The following CTNNA2 variants were observed in gnomAD, a reference collection of about 807,000 sequenced individuals.
The protein encoded by CTNNA2 is catenin alpha-2.
In CTNNA2, 42 loss-of-function variants were observed where a neutral mutation model predicts 101.0. That is an observed-to-expected ratio of 0.42 (90% CI 0.32 to 0.54). CTNNA2 has a LOEUF of 0.54. Among genes scored for constraint, CTNNA2 ranks in the 20% least tolerant of loss-of-function variants. The probability of loss-of-function intolerance (pLI) is 0.14; values close to 1 mark genes in which losing one functional copy is unlikely to be tolerated. For missense variants in CTNNA2, 871 were observed against 1,223.1 expected (o/e 0.71, Z 4.29); for synonymous variants, 450 against 456.4 (o/e 0.99, Z 0.18).
intron 2 of CTNNA2, among the ~76,000 whole-genome samples, chr2:79,711,498 C>T (rs779271571): frequency 3.9e-5 from 6 of 152,072 alleles, no homozygotes; most frequent in Non-Finnish European, 7.4e-5. Context: ...AAAAGACAAC[C>T]GAGTATATCG....
intron 2 of CTNNA2, among the ~76,000 whole-genome samples, chr2:79,694,945 A>G (rs1342929695): frequency 6.6e-6 from 1 of 151,750 alleles, no homozygotes; most frequent in African/African-American, 2.4e-5. Flanking sequence ...CTGTTGTTAC[A>G]GGAAAATTAC....
intron 13 of CTNNA2, among the ~76,000 whole-genome samples, chr2:80,577,549 G>C (rs1032353373): frequency 2.0e-4 from 31 of 152,104 alleles, no homozygotes; most frequent in African/African-American, 7.5e-4. Context: ...ACCTTAAAAG[G>C]ACCACCATGG....
Position 79,836,390 on chromosome 2 carries a change from C to T in CTNNA2, c.299-21623C>T, listed in dbSNP as rs1387369471. Reference sequence around the variant, plus strand: ...GCTGAATTATTTTTCAGTGCTCTAACAACCAAGGATAAGACGCAGAGTACA... The same window carrying T: ...GCTGAATTATTTTTCAGTGCTCTAATAACCAAGGATAAGACGCAGAGTACA... On this transcript the variant is annotated intron_variant, in intron 3 of 18. Coordinates refer to ENST00000402739, the MANE Select transcript of CTNNA2 (RefSeq NM_001282597.3). Among the ~76,000 whole-genome samples, 3 of 152,292 alleles carry T rather than the reference C, an allele frequency of 2.0e-5. No individual in the cohort carries two copies. In the East Asian group the frequency reaches 5.8e-4, roughly 29 times the overall value.
At chr2:80,253,000 C>A (rs1671879859) in intron 7 of CTNNA2, among the ~76,000 whole-genome samples, 1 of 152,126 alleles carries the variant, frequency 6.6e-6, no homozygotes, top group Non-Finnish European at 1.5e-5. Context: ...GCAGTAGTAG[C>A]AGATGTAGAT....
chr2:79,717,276 T>C (rs1428219123), intron 2 of CTNNA2, among the ~76,000 whole-genome samples: 1 of 152,214 alleles, frequency 6.6e-6, no homozygotes, highest in Non-Finnish European at 1.5e-5. Context: ...TGGAAATAAG[T>C]CAGCTTCCTG....
intron 2 of CTNNA2, among the ~76,000 whole-genome samples, chr2:79,258,048 A>G (rs1674871817): frequency 6.6e-6 from 1 of 152,164 alleles, no homozygotes; most frequent in African/African-American, 2.4e-5. Flanking sequence ...ATTCTGGATG[A>G]GGTGCCCACA....
chr2:79,895,917 A>G (rs537262915), intron 6 of CTNNA2, among the ~76,000 whole-genome samples: 3 of 152,122 alleles, frequency 2.0e-5, no homozygotes, highest in African/African-American at 7.2e-5. Context: ...GGCTTAATCA[A>G]ATCTTCAGAG....
At chr2:80,042,968 CT>C in intron 7 of CTNNA2, among the ~76,000 whole-genome samples, 1 of 151,854 alleles carries the variant, frequency 6.6e-6, no homozygotes. Flanking sequence ...TTCATGTTTT[CT>C]TTCTTTCCTT....
chr2:79,378,593 C>G (rs928373957), intron 4 of CTNNA2, among the ~76,000 whole-genome samples: 1 of 152,056 alleles, frequency 6.6e-6, no homozygotes, highest in African/African-American at 2.4e-5. Context: ...TGTTACATGT[C>G]ACTCTAAATA....
intron 7 of CTNNA2, among the ~76,000 whole-genome samples, chr2:80,209,287 C>T (rs371563081): frequency 2.0e-5 from 3 of 151,512 alleles, no homozygotes; most frequent in South Asian, 2.1e-4. Flanking sequence ...CTGCAACCTC[C>T]GCCTCCCAGG....
intron 4 of CTNNA2, among the ~76,000 whole-genome samples, chr2:79,436,025 G>A (rs913798298): frequency 6.6e-6 from 1 of 151,880 alleles, no homozygotes; most frequent in African/African-American, 2.4e-5. Flanking sequence ...AAACCACACG[G>A]GTTCCTGACC....
At chr2:79,350,242 C>A (rs1677357801) in intron 3 of CTNNA2, among the ~76,000 whole-genome samples, 1 of 152,030 alleles carries the variant, frequency 6.6e-6, no homozygotes, top group South Asian at 2.1e-4. Context: ...CAAATCGTGA[C>A]AATTTTATCC....
At chr2:80,084,686 T>G (rs1381204610) in intron 7 of CTNNA2, among the ~76,000 whole-genome samples, 1 of 152,126 alleles carries the variant, frequency 6.6e-6, no homozygotes, top group Admixed American at 6.5e-5. Flanking sequence ...ATACATTAAT[T>G]AACTACTTAG....
intron 2 of CTNNA2, among the ~76,000 whole-genome samples, chr2:79,293,450 C>T (rs1558609895): frequency 6.6e-6 from 1 of 152,104 alleles, no homozygotes; most frequent in Non-Finnish European, 1.5e-5. Context: ...TACAGTCCCT[C>T]TCCCCTAGAA....
At chr2:79,186,426 T>C (rs1673779660) in intron 1 of CTNNA2, among the ~76,000 whole-genome samples, 1 of 152,216 alleles carries the variant, frequency 6.6e-6, no homozygotes, top group Non-Finnish European at 1.5e-5. Flanking sequence ...TATACCAGAA[T>C]GTCTGCTGTA....
At chr2:79,888,263 A>G (rs776489785) in intron 6 of CTNNA2, among the ~76,000 whole-genome samples, 32 of 152,220 alleles carry the variant, frequency 2.1e-4, no homozygotes, top group Non-Finnish European at 2.9e-4. Flanking sequence ...CTTGGGGACC[A>G]GGTTAGGCAT....
intron 7 of CTNNA2, among the ~76,000 whole-genome samples, chr2:79,925,118 C>A (rs1172904078): frequency 2.6e-5 from 4 of 151,988 alleles, no homozygotes; most frequent in African/African-American, 9.7e-5. Context: ...ATATTTAGAA[C>A]CACAAGATCC....
At chr2:80,149,417 A>G (rs899679773) in intron 7 of CTNNA2, among the ~76,000 whole-genome samples, 1 of 152,190 alleles carries the variant, frequency 6.6e-6, no homozygotes, top group African/African-American at 2.4e-5. Context: ...ATAGATGGAC[A>G]TGTACATACA....
chr2:80,635,221 C>A (rs536611840), intron 18 of CTNNA2, among the ~76,000 whole-genome samples: 1 of 152,080 alleles, frequency 6.6e-6, no homozygotes, highest in South Asian at 2.1e-4. Context: ...GGATTTACAG[C>A]TCACAATGGA....
Sources: allele counts gnomAD v4.1 joint callset (sites outside exome capture counted in the v4.1 genomes callset), GRCh38; gene constraint gnomAD v4.1.1; transcripts MANE v1.5; gene names NCBI Gene and HGNC (gene_info 2026-07-23, HGNC 2026-07-21).